Variants in TRPM3 observed in about 807,000 individuals in gnomAD.
TRPM3 encodes long transient receptor potential channel 3.
In TRPM3, 77 loss-of-function variants were observed where a neutral mutation model predicts 181.2. The observed-to-expected ratio is 0.42, with a 90% CI of 0.35 to 0.51. The LOEUF (loss-of-function observed/expected upper bound fraction) is 0.51, where lower values mean the gene tolerates loss of function less well. Ranked by LOEUF, TRPM3 falls within the 20% of genes least tolerant of loss-of-function variation. The pLI is 0.01. For synonymous variants in TRPM3, 745 were observed against 796.4 expected, an observed-to-expected ratio of 0.94 and a Z score of 1.09; for missense variants, 1,759 against 2,196.7, an observed-to-expected ratio of 0.80 and a Z score of 3.98.
At chr9:70,841,051 TAAATGATTTTGGTGCAG>T (rs1188103941) in intron 5 of TRPM3, among the ~76,000 whole-genome samples, 2 of 152,190 alleles carry the variant, frequency 1.3e-5, no homozygotes, top group Non-Finnish European at 2.9e-5. Context: ...TATGCATTAT[TAAATGATTTTGGTGCAG>T]AAATGATTTT....
At chr9:71,420,713 AAGAGAGAAAGAGAGAGAGAGAGAAAG>A (rs2093723479) in intron 1 of TRPM3, among the ~76,000 whole-genome samples, 1 of 20,602 alleles carries the variant, frequency 4.9e-5, no homozygotes, top group Non-Finnish European at 1.0e-4. Context: ...GAGAGAAAGA[AAGAGAGAAAGAGAGAGAGAGAGAAAG>A]AGAGAGAAAG....
chr9:70,603,917 A>G (rs1394835173), intron 19 of TRPM3, among the ~76,000 whole-genome samples: 1 of 152,238 alleles, frequency 6.6e-6, no homozygotes, highest in East Asian at 1.9e-4. Flanking sequence ...GAAGAGGAAG[A>G]CACATGTAAC....
chr9:71,245,676 G>C (rs1234455355), intron 1 of TRPM3, among the ~76,000 whole-genome samples: 2 of 152,162 alleles, frequency 1.3e-5, no homozygotes, highest in Non-Finnish European at 2.9e-5. Context: ...GAAGAACTGT[G>C]GAGAAGTTGA....
rs71367210 is a variant in TRPM3, at chr9:70,664,641, GTTTT to G, written c.1345+16861_1345+16864del. On this transcript the variant is annotated intron_variant, in intron 9 of 25. Coordinates refer to ENST00000677713, the MANE Select transcript of TRPM3 (RefSeq NM_001366145.2). The stretch of plus-strand genomic sequence containing the variant: ...ACAACCACACCCGATTAGGAGAGTA[GTTTT>G]TTTTTTTTTTTTTTTTTTTTTTTGA... Among the ~76,000 whole-genome samples the G allele has an allele frequency of 7.0e-5, 7 of 100,276 alleles. No homozygotes were observed. The East Asian group carries it at 2.0e-3, about 29-fold the overall frequency. 65.8% of individuals were successfully genotyped at this position (100,276 alleles called of 152,430 possible).
Position 70,675,594 on chromosome 9 carries a change from G to A in TRPM3, c.1345+5912C>T, listed in dbSNP as rs577958775. Among the ~76,000 whole-genome samples the A allele has an allele frequency of 2.0e-5, 3 of 152,214 alleles. No homozygotes were observed. The South Asian group carries it at 6.2e-4, about 32-fold the overall frequency. On this transcript the variant is annotated intron_variant, in intron 9 of 25. Coordinates refer to ENST00000677713, the MANE Select transcript of TRPM3 (RefSeq NM_001366145.2). Reference sequence around the variant, plus strand: ...CTGAAATAATTGTATGAGTTCATATGAAAATTTGATTTCATACAGTTTTTT... The same window carrying A: ...CTGAAATAATTGTATGAGTTCATATAAAAATTTGATTTCATACAGTTTTTT...
In TRPM3 at chr9:71,274,103, C is replaced by T. The variant is rs2084005495; in HGVS notation, c.183+172550G>A. 2.0e-5 allele frequency among the ~76,000 whole-genome samples: 3 copies of T among 152,292 alleles called. No homozygotes were observed. In the South Asian group the frequency reaches 6.2e-4, roughly 32 times the overall value. On this transcript the variant is annotated intron_variant, in intron 1 of 24. Coordinates refer to the TRPM3 transcript ENST00000357533. The stretch of plus-strand genomic sequence containing the variant: ...GGTATGAGTTATCCATCTCCCTTAT[C>T]CATTAGTTCATCCATGCTCCAGGCT...
chr9:70,657,034 G>A (rs2060446736), intron 9 of TRPM3, among the ~76,000 whole-genome samples: 1 of 151,032 alleles, frequency 6.6e-6, no homozygotes, highest in Non-Finnish European at 1.5e-5. Flanking sequence ...TAAGAAAGAG[G>A]GACGTTCAGG....
intron 9 of TRPM3, among the ~76,000 whole-genome samples, chr9:70,670,647 C>T (rs4131070): frequency 0.37 from 56,321 of 151,976 alleles, 10,775 homozygotes; most frequent in East Asian, 0.46. Context: ...CCTTTCAAAT[C>T]TGGCATTTTA....
chr9:70,623,381 A>G (rs2063945033), intron 14 of TRPM3, among the ~76,000 whole-genome samples: 1 of 152,052 alleles, frequency 6.6e-6, no homozygotes, highest in South Asian at 2.1e-4. Flanking sequence ...AAAAAAAAAA[A>G]AAATCATGCC....
At chr9:70,910,768 G>T (rs185738995) in intron 1 of TRPM3, among the ~76,000 whole-genome samples, 4 of 152,098 alleles carry the variant, frequency 2.6e-5, no homozygotes, top group African/African-American at 9.7e-5. Context: ...ATCAGTTTGC[G>T]TATAGTTACT....
At chr9:71,046,123 T>C (rs1037675197) in intron 1 of TRPM3, among the ~76,000 whole-genome samples, 1 of 152,008 alleles carries the variant, frequency 6.6e-6, no homozygotes, top group African/African-American at 2.4e-5. Context: ...CCCGAGTAGC[T>C]GCAATTACAA....
chr9:71,446,643 G>A, intron 1 of TRPM3: 3 of 1,549,230 alleles, frequency 1.9e-6, no homozygotes, highest in Non-Finnish European at 8.7e-7. Flanking sequence ...GCTCTCCCCC[G>A]GCCACTCACC....
At position 70,534,189 on chromosome 9, in the gene TRPM3, G is replaced by A. The variant is rs574966826; in HGVS notation, c.*1764C>T. 1.4e-4 allele frequency: 21 copies of A among 152,218 alleles called. No individual in the cohort carries two copies. Among genetic ancestry groups the A allele is most frequent in the South Asian group, 6.2e-4 (3 of 4,816 alleles). The allele number at this position is 152,218 out of a possible 1,614,324, so 9.4% of individuals were successfully genotyped here. On this transcript the variant is annotated 3_prime_UTR_variant, in exon 26 of 26. Transcript: ENST00000677713. ...GTAACACTAGCTGGTTTAAAGTTGC[G>A]TGTCTATTCAGATTGTACGTGGTGT...
chr9:71,331,118 A>G (rs910990509), intron 1 of TRPM3, among the ~76,000 whole-genome samples: 2 of 151,950 alleles, frequency 1.3e-5, no homozygotes, highest in Non-Finnish European at 2.9e-5. Flanking sequence ...AATATTAGTA[A>G]ATTATTGATT....
At chr9:70,934,259 G>T (rs2133450683) in intron 1 of TRPM3, among the ~76,000 whole-genome samples, 1 of 152,216 alleles carries the variant, frequency 6.6e-6, no homozygotes, top group East Asian at 1.9e-4. Flanking sequence ...TAGAAAATTT[G>T]GGATGTTGGT....
At chr9:70,945,252 C>A (rs1178570039) in intron 1 of TRPM3, among the ~76,000 whole-genome samples, 1 of 152,142 alleles carries the variant, frequency 6.6e-6, no homozygotes, top group Non-Finnish European at 1.5e-5. Context: ...GTCTTATTAC[C>A]TTTTCGTAAT....
intron 1 of TRPM3, among the ~76,000 whole-genome samples, chr9:70,966,122 G>A (rs2133869849): frequency 6.6e-6 from 1 of 150,588 alleles, no homozygotes; most frequent in South Asian, 2.1e-4. Flanking sequence ...CGACATACAT[G>A]TGGCCAACAA....
chr9:71,419,298 A>T lies in TRPM3; in HGVS notation c.183+27355T>A, dbSNP rs187630041. ...GAAAGCCCTATTTTTTGGGGCATTT[A>T]AAAAAAGCCTATTTCCCCCAAAGGA... is the stretch of plus-strand genomic sequence containing the variant. On this transcript the variant is annotated intron_variant, in intron 1 of 24. Transcript: ENST00000357533. Among the ~76,000 whole-genome samples, 8 of 151,964 alleles carry T rather than the reference A, an allele frequency of 5.3e-5. No homozygotes were observed. In the East Asian group the frequency reaches 1.4e-3, roughly 26 times the overall value.
chr9:71,143,202 T>G (rs937978150), intron 1 of TRPM3, among the ~76,000 whole-genome samples: 2 of 152,072 alleles, frequency 1.3e-5, no homozygotes, highest in African/African-American at 4.8e-5. Flanking sequence ...TTTTTTCTTT[T>G]AACTTTTAAG....
Sources: allele counts gnomAD v4.1 joint callset (sites outside exome capture counted in the v4.1 genomes callset), GRCh38; gene constraint gnomAD v4.1.1; transcripts MANE v1.5; gene names NCBI Gene and HGNC (gene_info 2026-07-23, HGNC 2026-07-21).